NEBL: variants seen among roughly 807,000 people sequenced by gnomAD.
NEBL encodes the protein LIM and SH3 protein 2.
NEBL carries 122 observed loss-of-function variants against 140.2 expected under a neutral mutation model. The observed-to-expected ratio is 0.87, with a 90% confidence interval of 0.75 to 1.01. The LOEUF is 1.01. Among genes scored for constraint, NEBL ranks in the 50% least tolerant of loss-of-function variants. NEBL has a pLI of 0.00. For missense variants in NEBL, 1,365 were observed against 1,231.3 expected (o/e 1.11, Z -1.62); for synonymous variants, 436 against 398.9 (o/e 1.09, Z -1.11).
Position 20,869,820 on chromosome 10 carries a change from G to C in NEBL, c.502C>G (p.Gln168Glu), listed in dbSNP as rs764345344. Residue 168 changes from glutamine (Q) to glutamate (E), a missense_variant, in exon 6 of 28, where the codon CAG becomes GAG. Coordinates refer to ENST00000377122, the MANE Select transcript of NEBL (RefSeq NM_006393.3). ...TCTGCACTGTACGTGTGGGTGTCCT[G>C]CACGTCTTTCCTATAAGAAATCTGA... ...QSNISYRKDV[Q>E]DTHTYSAELD... The C allele has an allele frequency of 2.5e-6, 4 of 1,611,424 alleles. No individual in the cohort carries two copies. In the Admixed American group the frequency reaches 6.7e-5, roughly 27 times the overall value.
At chr10:21,006,951 C>G (rs1389863501) in intron 3 of NEBL, among the ~76,000 whole-genome samples, 1 of 152,028 alleles carries the variant, frequency 6.6e-6, no homozygotes, top group Non-Finnish European at 1.5e-5. Flanking sequence ...AGAAAGAGCT[C>G]CTTCCAAACC....
At chr10:20,874,388 A>G (rs761529261) in intron 5 of NEBL, among the ~76,000 whole-genome samples, 4 of 152,208 alleles carry the variant, frequency 2.6e-5, no homozygotes, top group Non-Finnish European at 2.9e-5. Context: ...ACGTAACCCA[A>G]CCAAGGCCAG....
chr10:21,079,359 CTG>C (rs2131930255), intron 2 of NEBL, among the ~76,000 whole-genome samples: 1 of 152,340 alleles, frequency 6.6e-6, no homozygotes, highest in East Asian at 1.9e-4. Flanking sequence ...GCTCTCATTT[CTG>C]TGATTTATTT....
At chr10:21,142,876 C>A (rs377494722) in intron 2 of NEBL, among the ~76,000 whole-genome samples, 17 of 152,236 alleles carry the variant, frequency 1.1e-4, no homozygotes, top group South Asian at 2.1e-4. Context: ...TCCTGCCCCC[C>A]ACCCCCAACA....
intron 2 of NEBL, among the ~76,000 whole-genome samples, chr10:20,894,272 C>G (rs1847258038): frequency 6.6e-6 from 1 of 151,970 alleles, no homozygotes; most frequent in Non-Finnish European, 1.5e-5. Flanking sequence ...GAGCTTGAGA[C>G]CAGCCTGGGC....
chr10:20,834,696 C>T (rs1840714307), intron 14 of NEBL, among the ~76,000 whole-genome samples: 1 of 152,152 alleles, frequency 6.6e-6, no homozygotes, highest in African/African-American at 2.4e-5. Flanking sequence ...TGAACAGGAC[C>T]CCTTCACCTG....
chr10:21,241,756 C>G (rs574992236), intron 3 of NEBL, among the ~76,000 whole-genome samples: 12 of 152,254 alleles, frequency 7.9e-5, no homozygotes, highest in African/African-American at 2.6e-4. Context: ...GCGTGGTCAG[C>G]AGGGTGGTGA....
chr10:21,057,818 C>T (rs1835099476), intron 2 of NEBL, among the ~76,000 whole-genome samples: 1 of 152,110 alleles, frequency 6.6e-6, no homozygotes, highest in Non-Finnish European at 1.5e-5. Context: ...GCCTTGGTCT[C>T]CCAAAGTGAG....
intron 2 of NEBL, among the ~76,000 whole-genome samples, chr10:21,035,400 C>T (rs537367770): frequency 6.6e-6 from 1 of 151,040 alleles, no homozygotes; most frequent in South Asian, 2.1e-4. Flanking sequence ...TTGTGTACAA[C>T]CTTGTCAACT....
chr10:20,932,908 T>G (rs1030311317), intron 4 of NEBL, among the ~76,000 whole-genome samples: 1 of 152,242 alleles, frequency 6.6e-6, no homozygotes, highest in African/African-American at 2.4e-5. Context: ...TTCAGACAGA[T>G]GCCCTTGCAT....
rs753872460 is a variant in NEBL at position 20,852,642 on chromosome 10, T to C, written c.911A>G (p.Tyr304Cys). 3.7e-6 allele frequency: 6 copies of C among 1,608,928 alleles called. No individual in the cohort carries two copies. The South Asian group carries it at 5.5e-5, about 15-fold the overall frequency. Residue 304 changes from tyrosine (Y) to cysteine (C), a missense_variant, in exon 10 of 28, where the codon TAT becomes TGT. By Grantham distance (194) the Tyr-to-Cys change is radical (BLOSUM62 -2). Around this residue, in one of 2 missense-constraint regions of NEBL, gnomAD observed 1,323 missense variants for 1,154.8 expected, o/e 1.15. Transcript: ENST00000377122. ...TTTGTTTTCCTCAAAGAGCTTTTTA[T>C]ATTCTCGCTAAAATACAGAATGGGG... ...KASKMLSGRE[Y>C]KKLFEENKGM...
intron 4 of NEBL, among the ~76,000 whole-genome samples, chr10:20,906,749 A>G (rs764658298): frequency 5.9e-5 from 9 of 152,126 alleles, no homozygotes; most frequent in South Asian, 2.1e-4. Context: ...TAATTCAACA[A>G]ATTTTACTTG....
intron 7 of NEBL, among the ~76,000 whole-genome samples, chr10:20,866,843 T>C (rs960990287): frequency 9.2e-5 from 14 of 152,202 alleles, no homozygotes; most frequent in Non-Finnish European, 1.3e-4. Context: ...GATTGGCCAT[T>C]TATGTTTGCT....
At chr10:21,198,882 G>A (rs1352354160) in intron 3 of NEBL, among the ~76,000 whole-genome samples, 3 of 151,994 alleles carry the variant, frequency 2.0e-5, no homozygotes, top group Non-Finnish European at 4.4e-5. Flanking sequence ...TTTACCACCT[G>A]CTTTTAAGCT....
chr10:21,053,316 T>C (rs529056932), intron 2 of NEBL, among the ~76,000 whole-genome samples: 1 of 152,322 alleles, frequency 6.6e-6, no homozygotes, highest in South Asian at 2.1e-4. Context: ...TTCTTGGCTA[T>C]AATCCCACTT....
chr10:21,091,838 C>G (rs1836926889), intron 2 of NEBL, among the ~76,000 whole-genome samples: 1 of 152,118 alleles, frequency 6.6e-6, no homozygotes, highest in African/African-American at 2.4e-5. Context: ...TGCTATCTTA[C>G]CCTGGCTGAT....
intron 3 of NEBL, among the ~76,000 whole-genome samples, chr10:21,240,622 CA>C (rs981986933): frequency 1.3e-5 from 2 of 150,446 alleles, no homozygotes; most frequent in Non-Finnish European, 3.0e-5. Flanking sequence ...TTGTCACACA[CA>C]AAAAAAAGCC....
chr10:20,945,387 C>T (rs1005671413), intron 4 of NEBL, among the ~76,000 whole-genome samples: 2 of 152,098 alleles, frequency 1.3e-5, no homozygotes, highest in Admixed American at 6.6e-5. Context: ...GATCTTGTAC[C>T]CTCAGCTCCT....
chr10:21,214,335 C>T (rs1426469580), intron 3 of NEBL, among the ~76,000 whole-genome samples: 4 of 151,884 alleles, frequency 2.6e-5, no homozygotes, highest in Non-Finnish European at 5.9e-5. Flanking sequence ...TTTATTAAGA[C>T]ACTAGTAAGC....
Sources: gnomAD v4.1 joint callset for allele counts (sites outside exome capture counted in the v4.1 genomes callset) on GRCh38, gnomAD v4.1.1 for gene constraint, gnomAD v4.1.1 regional missense constraint, MANE v1.5 for transcripts, NCBI Gene and HGNC (gene_info 2026-07-23, HGNC 2026-07-21) for gene names.